Variants in DLG1 observed in about 807,000 individuals in gnomAD.
The protein encoded by DLG1 is discs large MAGUK scaffold protein 1, also known as disks large homolog 1.
A neutral mutation model predicts 123.4 loss-of-function variants in DLG1; 42 were observed. That is an observed-to-expected ratio of 0.34 (90% CI 0.27 to 0.44). DLG1 has a LOEUF of 0.44. DLG1 is among the 20% of genes least tolerant of loss of function. The pLI, the probability that DLG1 is intolerant of heterozygous loss-of-function variation, is 1.00. For synonymous variants in DLG1, 317 were observed against 356.2 expected (o/e 0.89, Z 1.24); for missense variants, 942 against 1,082.6 (o/e 0.87, Z 1.82).
At chr3:197,059,643 C>CTATTT (rs56685801) in intron 23 of DLG1, among the ~76,000 whole-genome samples, 1 of 152,170 alleles carries the variant, frequency 6.6e-6, no homozygotes, top group Non-Finnish European at 1.5e-5. Flanking sequence ...CCACTAGTCA[C>CTATTT]ACGTGGGGCT....
intron 10 of DLG1, among the ~76,000 whole-genome samples, chr3:197,135,675 A>G (rs1243419662): frequency 6.6e-6 from 1 of 152,240 alleles, no homozygotes; most frequent in Non-Finnish European, 1.5e-5. Context: ...CTAAGCAATG[A>G]TATGGGTAAG....
chr3:197,235,500 G>A (rs1745498701), intron 4 of DLG1, among the ~76,000 whole-genome samples: 1 of 152,142 alleles, frequency 6.6e-6, no homozygotes, highest in Non-Finnish European at 1.5e-5. Context: ...GAGCAGAGGG[G>A]CCTCAATAAA....
At chr3:197,045,139 G>A (rs886978321) in intron 24 of DLG1, among the ~76,000 whole-genome samples, 2 of 151,868 alleles carry the variant, frequency 1.3e-5, no homozygotes, top group African/African-American at 2.4e-5. Flanking sequence ...GATCTTGGGG[G>A]AAAAGAGCTG....
intron 23 of DLG1, among the ~76,000 whole-genome samples, chr3:197,053,816 TG>T (rs1385402879): frequency 7.4e-6 from 1 of 134,546 alleles, no homozygotes; most frequent in African/African-American, 2.8e-5. Flanking sequence ...CTGGGCAAGG[TG>T]GGTATTTATT....
At chr3:197,091,982 A>G (rs13099700) in intron 14 of DLG1, among the ~76,000 whole-genome samples, 37,103 of 152,146 alleles carry the variant, frequency 0.24, 5,734 homozygotes, top group East Asian at 0.72. Context: ...TGAAGCAACA[A>G]TTCATCAAAA....
intron 4 of DLG1, among the ~76,000 whole-genome samples, chr3:197,228,824 T>C (rs1741324719): frequency 6.6e-6 from 1 of 152,162 alleles, no homozygotes; most frequent in Admixed American, 6.5e-5. Flanking sequence ...AATAAATAAT[T>C]ATTAACAGTA....
intron 4 of DLG1, among the ~76,000 whole-genome samples, chr3:197,273,458 G>C (rs1235844466): frequency 6.6e-6 from 1 of 151,768 alleles, no homozygotes; most frequent in East Asian, 1.9e-4. Context: ...GGCTGGTTTC[G>C]AACTCCTGAC....
At chr3:197,104,696 C>A (rs1484739422) in intron 14 of DLG1, among the ~76,000 whole-genome samples, 2 of 150,306 alleles carry the variant, frequency 1.3e-5, no homozygotes, top group African/African-American at 2.4e-5. Flanking sequence ...AAACAAAAAA[C>A]AAAAACCAAA....
intron 14 of DLG1, among the ~76,000 whole-genome samples, chr3:197,100,712 A>G (rs750609635): frequency 6.6e-6 from 1 of 152,156 alleles, no homozygotes; most frequent in Non-Finnish European, 1.5e-5. Context: ...AGTTGCCACA[A>G]AGATTTTAAG....
chr3:197,158,690 A>ATACCTCTG (rs1797533607), intron 5 of DLG1, among the ~76,000 whole-genome samples: 1 of 10,888 alleles, frequency 9.2e-5, no homozygotes, highest in Non-Finnish European at 2.3e-4. Context: ...TGCTCTGGAC[A>ATACCTCTG]TACCTCTAAG....
chr3:197,136,709 C>A (rs946052995), intron 9 of DLG1, 31 bp from the exon 10 acceptor site: 34 of 1,575,240 alleles, frequency 2.2e-5, no homozygotes, highest in Non-Finnish European at 2.9e-5. Context: ...GATTCTCATC[C>A]ATAAATATGA....
chr3:197,061,455 G>A (rs1175217657), intron 22 of DLG1, among the ~76,000 whole-genome samples: 5 of 152,076 alleles, frequency 3.3e-5, no homozygotes, highest in Admixed American at 3.3e-4. Context: ...GATTCCAAGT[G>A]GCCATCTAAT....
At chr3:197,256,538 G>C (rs775781490) in intron 4 of DLG1, among the ~76,000 whole-genome samples, 6 of 152,220 alleles carry the variant, frequency 3.9e-5, no homozygotes, top group Non-Finnish European at 8.8e-5. Context: ...TTGCTCAACA[G>C]TACTACTTTT....
At chr3:197,160,198 T>C (rs1425869686) in intron 5 of DLG1, among the ~76,000 whole-genome samples, 1 of 152,156 alleles carries the variant, frequency 6.6e-6, no homozygotes, top group Non-Finnish European at 1.5e-5. Flanking sequence ...AGTGGGATGC[T>C]AAGTTAGGGT....
At chr3:197,193,100 C>T (rs978679182) in intron 5 of DLG1, among the ~76,000 whole-genome samples, 8 of 152,064 alleles carry the variant, frequency 5.3e-5, no homozygotes, top group Admixed American at 3.3e-4. Context: ...ATTACAAAAT[C>T]CAGGTAAATT....
chr3:197,051,123 T>C (rs1727315674), intron 24 of DLG1, among the ~76,000 whole-genome samples: 1 of 152,200 alleles, frequency 6.6e-6, no homozygotes, highest in Admixed American at 6.5e-5. Context: ...GCTGTAATCC[T>C]AGCATTTTGA....
At chr3:197,212,431 C>G (rs1266043746) in intron 4 of DLG1, among the ~76,000 whole-genome samples, 1 of 152,162 alleles carries the variant, frequency 6.6e-6, no homozygotes, top group Non-Finnish European at 1.5e-5. Flanking sequence ...CATGACTGTT[C>G]GCACTGAAAA....
chr3:197,071,896 G>A (rs933282060), intron 18 of DLG1, among the ~76,000 whole-genome samples: 3 of 152,180 alleles, frequency 2.0e-5, no homozygotes, highest in African/African-American at 4.8e-5. Context: ...CTGGACAAAT[G>A]TGTATCTATA....
At chr3:197,085,391 G>A (rs1475673524) in intron 16 of DLG1, 189 bp downstream of exon 16, 4 of 584,058 alleles carry the variant, frequency 6.8e-6, no homozygotes, top group East Asian at 6.2e-5. Context: ...ATTCTTCTCT[G>A]TATGACTTCG....
Sources: allele counts gnomAD v4.1 joint callset (sites outside exome capture counted in the v4.1 genomes callset), GRCh38; gene constraint gnomAD v4.1.1; transcripts MANE v1.5; gene names NCBI Gene and HGNC (gene_info 2026-07-23, HGNC 2026-07-21).